Variants in PPP4R2 observed in about 807,000 individuals in gnomAD.
The protein encoded by PPP4R2 is serine/threonine-protein phosphatase 4 regulatory subunit 2.
PPP4R2 carries 13 observed loss-of-function variants against 47.2 expected under a neutral mutation model. The ratio of observed to expected loss-of-function variants is 0.28; its 90% CI spans 0.18 to 0.44. The LOEUF is 0.44. Ranked by LOEUF, PPP4R2 falls within the 20% of genes least tolerant of loss-of-function variation. The pLI, the probability that PPP4R2 is intolerant of heterozygous loss-of-function variation, is 1.00. For synonymous variants in PPP4R2, 151 were observed against 163.3 expected, an observed-to-expected ratio of 0.92 and a Z score of 0.57; for missense variants, 421 against 491.2, an observed-to-expected ratio of 0.86 and a Z score of 1.35.
intron 7 of PPP4R2, 144 bp downstream of exon 7, chr3:73,064,290 G>A (rs1239613990): frequency 7.4e-6 from 5 of 679,062 alleles, no homozygotes; most frequent in Non-Finnish European, 1.2e-5. Context: ...GCTTCTCTTT[G>A]CAGCTGTAGC....
chr3:73,015,579 G>T (rs140606306), intron 2 of PPP4R2, among the ~76,000 whole-genome samples: 1 of 149,922 alleles, frequency 6.7e-6, no homozygotes, highest in Admixed American at 6.7e-5. Context: ...TGGTTCGAGC[G>T]ATTCTTCTAC....
At position 73,046,053 on chromosome 3, in the gene PPP4R2, C is replaced by T. The variant is rs146804627; in HGVS notation, c.117-1133C>T. 1.1e-3 allele frequency among the ~76,000 whole-genome samples: 160 copies of T among 152,256 alleles called. 1 individual carries two copies. The highest frequency in any genetic ancestry group is 3.8e-3 in the African/African-American group (156 of 41,536). On this transcript the variant is annotated intron_variant, in intron 2 of 8. Transcript: ENST00000356692. ...ATTAGTAATTTTTATATCTTTTACA[C>T]TTTAAGTGGAACAGATTTTTAAAAT... is the stretch of plus-strand genomic sequence containing the variant.
At chr3:73,035,272 C>T (rs1702242198) in intron 2 of PPP4R2, among the ~76,000 whole-genome samples, 1 of 152,158 alleles carries the variant, frequency 6.6e-6, no homozygotes, top group Non-Finnish European at 1.5e-5. Flanking sequence ...TGGTGGCACA[C>T]ACCTGTAGTC....
chr3:73,064,891 C>T lies in PPP4R2; in HGVS notation c.678C>T (p.Ser226=), dbSNP rs1341466660. Residue 226 remains serine (S), a synonymous_variant, in exon 8 of 9, where the codon AGC becomes AGT. Transcript: ENST00000356692. ...STSESEVSSV[S]PLKNKHPDED... is the part of the protein sequence containing the mutation. The stretch of plus-strand genomic sequence containing the variant: ...CTGAATCAGAAGTTTCCTCAGTGAG[C>T]CCTTTGAAAAATAAACATCCAGATG... 2 of 1,613,160 alleles carry T rather than the reference C, an allele frequency of 1.2e-6. No homozygotes were observed. Among genetic ancestry groups the T allele is most frequent in the East Asian group, 4.5e-5 (2 of 44,876 alleles).
rs758084504 is a variant in PPP4R2, at chr3:73,062,559, A to G, written c.420-1114A>G. 1.9e-6 allele frequency: 3 copies of G among 1,613,834 alleles called. No homozygotes were observed. Among genetic ancestry groups the G allele is most frequent in the Non-Finnish European group, 2.5e-6 (3 of 1,179,890 alleles). On this transcript the variant is annotated intron_variant, in intron 5 of 8. Transcript: ENST00000356692. ...TGTGGTTGGGAATGAGAACGAGGAA[A>G]GGGGTACTCCTTATGCTAGCAGATT...
rs185862662 is a variant in PPP4R2 at position 73,044,896 on chromosome 3, G to T, written c.117-2290G>T. Among the ~76,000 whole-genome samples the T allele has an allele frequency of 3.0e-3, 453 of 152,228 alleles. 1 individual carries two copies. Among genetic ancestry groups the T allele is most frequent in the African/African-American group, 0.01 (429 of 41,528 alleles). On this transcript the variant is annotated intron_variant, in intron 2 of 8. Transcript: ENST00000356692. ...TTGCAAATATTTTCTCCCATTTCAC[G>T]ATTTGACTTTCTGCTCTGTTGATAG... is the stretch of plus-strand genomic sequence containing the variant.
chr3:73,029,217 A>C (rs1328063994), intron 2 of PPP4R2, among the ~76,000 whole-genome samples: 4 of 152,234 alleles, frequency 2.6e-5, no homozygotes, highest in African/African-American at 9.6e-5. Flanking sequence ...TTGGGATTAC[A>C]GGCGTGAGCC....
intron 1 of PPP4R2, chr3:72,997,293 G>T: frequency 9.8e-6 from 4 of 406,300 alleles, no homozygotes; most frequent in Non-Finnish European, 1.3e-5. Context: ...TGGGCTGGGG[G>T]AGGGGAGCCG....
At chr3:73,015,265 T>TG (rs1282253662) in intron 2 of PPP4R2, among the ~76,000 whole-genome samples, 1 of 152,008 alleles carries the variant, frequency 6.6e-6, no homozygotes, top group African/African-American at 2.4e-5. Context: ...CTGCCACCTC[T>TG]GCCTCCCTGG....
intron 2 of PPP4R2, among the ~76,000 whole-genome samples, chr3:73,046,139 C>T (rs1702481829): frequency 6.6e-6 from 1 of 152,146 alleles, no homozygotes; most frequent in South Asian, 2.1e-4. Flanking sequence ...GTGCTGCTGT[C>T]CTGACTCTTG....
intron 4 of PPP4R2, among the ~76,000 whole-genome samples, chr3:73,060,148 A>T (rs1702822402): frequency 6.6e-6 from 1 of 152,160 alleles, no homozygotes; most frequent in Admixed American, 6.5e-5. Flanking sequence ...ACTTTATTTT[A>T]CCCTGGGAAC....
intron 2 of PPP4R2, among the ~76,000 whole-genome samples, chr3:73,038,168 GA>G (rs1484683157): frequency 3.3e-5 from 5 of 152,102 alleles, no homozygotes; most frequent in Non-Finnish European, 7.4e-5. Flanking sequence ...AAAGTGGTGA[GA>G]AAAGTGACAC....
chr3:73,011,988 GTA>G (rs1701734351), intron 2 of PPP4R2, among the ~76,000 whole-genome samples: 1 of 152,170 alleles, frequency 6.6e-6, no homozygotes, highest in African/African-American at 2.4e-5. Context: ...GCACTATTGT[GTA>G]TATCTGGGAG....
intron 4 of PPP4R2, among the ~76,000 whole-genome samples, chr3:73,059,721 G>A (rs373021773): frequency 7.9e-5 from 12 of 151,738 alleles, no homozygotes; most frequent in African/African-American, 2.2e-4. Flanking sequence ...GGTGGATCAC[G>A]GTCAGGAGTT....
intron 3 of PPP4R2, among the ~76,000 whole-genome samples, chr3:73,057,153 A>G (rs962555167): frequency 2.0e-5 from 3 of 152,154 alleles, no homozygotes; most frequent in Non-Finnish European, 4.4e-5. Context: ...GAAATCCACG[A>G]TAATACTGGG....
chr3:73,038,740 A>G (rs1234947173), intron 2 of PPP4R2, among the ~76,000 whole-genome samples: 2 of 152,206 alleles, frequency 1.3e-5, no homozygotes, highest in Non-Finnish European at 2.9e-5. Flanking sequence ...TTTAATTGGT[A>G]GGGAGAGGTG....
chr3:73,014,209 G>A (rs1157030651), intron 2 of PPP4R2, among the ~76,000 whole-genome samples: 3 of 130,546 alleles, frequency 2.3e-5, no homozygotes, highest in African/African-American at 2.7e-5. Flanking sequence ...TTCAGTATGT[G>A]CTTCTACTAG....
chr3:73,003,181 GTC>G (rs1701516893), intron 2 of PPP4R2, among the ~76,000 whole-genome samples: 2 of 148,588 alleles, frequency 1.3e-5, no homozygotes, highest in Non-Finnish European at 3.0e-5. Flanking sequence ...TGTCTCCCTT[GTC>G]TGAGCATATT....
At chr3:73,030,122 T>C (rs929647470) in intron 2 of PPP4R2, among the ~76,000 whole-genome samples, 1 of 152,198 alleles carries the variant, frequency 6.6e-6, no homozygotes, top group Non-Finnish European at 1.5e-5. Flanking sequence ...AAGGGAGAAA[T>C]ATCAGTGTAT....
Sources: gnomAD v4.1 joint callset for allele counts (sites outside exome capture counted in the v4.1 genomes callset) on GRCh38, gnomAD v4.1.1 for gene constraint, MANE v1.5 for transcripts, NCBI Gene and HGNC (gene_info 2026-07-23, HGNC 2026-07-21) for gene names.